Variants in SYNE1 observed in about 807,000 individuals in gnomAD.
SYNE1 encodes the protein nesprin-1.
A neutral mutation model predicts 1,111.0 loss-of-function variants in SYNE1; 616 were observed. The observed-to-expected ratio is 0.55, with a 90% CI of 0.52 to 0.59. The LOEUF (loss-of-function observed/expected upper bound fraction) is 0.59. Ranked by LOEUF, SYNE1 falls within the 20% of genes least tolerant of loss-of-function variation. The pLI, the probability that SYNE1 is intolerant of heterozygous loss-of-function variation, is 0.00. For missense variants in SYNE1, 10,006 were observed against 10,417.0 expected (o/e 0.96, Z 1.72); for synonymous variants, 3,855 against 3,825.8 (o/e 1.01, Z -0.28).
chr6:152,607,284 G>A (rs1448236862), intron 3 of SYNE1, among the ~76,000 whole-genome samples: 1 of 151,954 alleles, frequency 6.6e-6, no homozygotes, highest in Non-Finnish European at 1.5e-5. Flanking sequence ...ACACCTGGCC[G>A]AATGTCCTTA....
rs532550838 is a variant in SYNE1 at position 152,236,225 on chromosome 6, T to C, written c.20278A>G (p.Ile6760Val). The stretch of plus-strand genomic sequence containing the variant: ...TGGCTTTCTAGATCTGAGCAGCTGA[T>C]GGATATCAGAAGTCGTTTCCCATCA... ...LDDGKRLLIS[I>V]SCSDLESQLN... Residue 6760 changes from isoleucine (I) to valine (V), a missense_variant, in exon 110 of 146, where the codon ATC becomes GTC. Coordinates refer to ENST00000367255, the MANE Select transcript of SYNE1 (RefSeq NM_182961.4). 6.8e-6 allele frequency: 11 copies of C among 1,614,162 alleles called. No individual in the cohort carries two copies. The East Asian group carries it at 2.5e-4, about 36-fold the overall frequency.
chr6:152,323,328 CT>C, intron 82 of SYNE1, 149 bp downstream of exon 82: 1 of 1,235,668 alleles, frequency 8.1e-7, no homozygotes, highest in South Asian at 1.4e-5. Context: ...GTCCCAGCTA[CT>C]CAGAGAGGCT....
At chr6:152,427,587 C>G (rs1193912403) in intron 38 of SYNE1, 106 bp downstream of exon 38, 1 of 1,406,704 alleles carries the variant, frequency 7.1e-7, no homozygotes, top group Non-Finnish European at 9.9e-7. Context: ...ATCACAAAAC[C>G]AAAGCAAGAA....
In SYNE1 at chr6:152,155,039, G is replaced by A. The variant is rs746166486; in HGVS notation, c.23982C>T (p.Ile7994=). 6.2e-6 allele frequency: 10 copies of A among 1,613,834 alleles called. No individual in the cohort carries two copies. The highest frequency in any genetic ancestry group is 2.2e-5 in the East Asian group (1 of 44,888). Residue 7994 remains isoleucine, a synonymous_variant, in exon 133 of 146, where the codon ATC becomes ATT. Coordinates refer to ENST00000367255, the MANE Select transcript of SYNE1 (RefSeq NM_182961.4). ...CAMSMERRLK[I]EETWRLWQKF... Reference sequence around the variant, plus strand: ...TCTGCCACAATCGCCACGTCTCTTCGATTCTGGGGCGGAAAATGAAAGAAC... The same window carrying A: ...TCTGCCACAATCGCCACGTCTCTTCAATTCTGGGGCGGAAAATGAAAGAAC...
chr6:152,413,503 C>G lies in SYNE1; in HGVS notation c.6079G>C (p.Glu2027Gln), dbSNP rs781313884. 1 of 1,614,130 alleles carries G rather than the reference C, an allele frequency of 6.2e-7. No individual in the cohort carries two copies. Among genetic ancestry groups the G allele is most frequent in the Non-Finnish European group, 8.5e-7 (1 of 1,180,006 alleles). ...RLRVFNQLED[E>Q]LNSHEHELCW... ...AGTTCATGCTCGTGAGAATTCAATT[C>G]ATCTTCTAGCTGATTAAACACTCTT... Residue 2027 changes from glutamate to glutamine, a missense_variant, in exon 42 of 146, where the codon GAA (glutamate) becomes CAA (glutamine). By Grantham distance (29) the Glu-to-Gln change is conservative. This residue lies in a region of SYNE1 where 4,955 missense variants were observed against 5,017.2 expected (regional missense o/e 0.99). Transcript: ENST00000367255.
intron 74 of SYNE1, among the ~76,000 whole-genome samples, chr6:152,339,681 G>C (rs1563189955): frequency 6.6e-6 from 1 of 152,202 alleles, no homozygotes; most frequent in East Asian, 1.9e-4. Flanking sequence ...TTCCATTCCA[G>C]AGAAAGAATT....
chr6:152,155,351 C>T, intron 132 of SYNE1: 1 of 382,650 alleles, frequency 2.6e-6, no homozygotes, highest in Non-Finnish European at 4.9e-6. Flanking sequence ...AAAAGCAACA[C>T]CAGGTTTACA....
At chr6:152,448,980 A>G (rs1220572462) in intron 28 of SYNE1, among the ~76,000 whole-genome samples, 1 of 152,244 alleles carries the variant, frequency 6.6e-6, no homozygotes, top group African/African-American at 2.4e-5. Flanking sequence ...TTTTTACAAC[A>G]TTATGTGTCT....
intron 126 of SYNE1, among the ~76,000 whole-genome samples, chr6:152,202,150 C>T (rs2075601644): frequency 6.6e-6 from 1 of 151,894 alleles, no homozygotes. Flanking sequence ...AGTTTGTAAC[C>T]AGTCTGGCCA....
intron 55 of SYNE1, among the ~76,000 whole-genome samples, chr6:152,383,173 C>T (rs2097456176): frequency 6.6e-6 from 1 of 152,184 alleles, no homozygotes; most frequent in Non-Finnish European, 1.5e-5. Context: ...CTTTCTCCAT[C>T]CCAATTTCTT....
chr6:152,153,631 T>G (rs2060832374), intron 133 of SYNE1, among the ~76,000 whole-genome samples: 1 of 152,214 alleles, frequency 6.6e-6, no homozygotes, highest in African/African-American at 2.4e-5. Flanking sequence ...AAGATGCAGT[T>G]GAGCAGCTCT....
chr6:152,455,802 A>C (rs2098691938), intron 23 of SYNE1, 84 bp downstream of exon 23: 1 of 1,597,054 alleles, frequency 6.3e-7, no homozygotes, highest in African/African-American at 1.3e-5. Context: ...CGTTTTAGCA[A>C]GACCAAAAGC....
At chr6:152,200,933 A>G (rs894054251) in intron 127 of SYNE1, among the ~76,000 whole-genome samples, 5 of 152,272 alleles carry the variant, frequency 3.3e-5, no homozygotes, top group African/African-American at 1.2e-4. Context: ...TGATTTCTAG[A>G]CCTCTTTAAC....
chr6:152,513,976 C>T (rs2099098823), intron 6 of SYNE1, among the ~76,000 whole-genome samples: 1 of 152,232 alleles, frequency 6.6e-6, no homozygotes, highest in South Asian at 2.1e-4. Flanking sequence ...AGTCAGGAAA[C>T]AACTGATGCT....
chr6:152,277,127 T>C (rs548765221), intron 98 of SYNE1, among the ~76,000 whole-genome samples: 1 of 151,884 alleles, frequency 6.6e-6, no homozygotes, highest in African/African-American at 2.4e-5. Flanking sequence ...CCTGACTTCA[T>C]GATCTGCCAG....
At chr6:152,539,209 A>G (rs567262693) in intron 4 of SYNE1, among the ~76,000 whole-genome samples, 58 of 152,314 alleles carry the variant, frequency 3.8e-4, no homozygotes, top group African/African-American at 1.2e-3. Context: ...AACTTCCACT[A>G]TATAATCATA....
At chr6:152,414,270 G>A (rs1338615775) in intron 41 of SYNE1, among the ~76,000 whole-genome samples, 1 of 152,066 alleles carries the variant, frequency 6.6e-6, no homozygotes, top group Non-Finnish European at 1.5e-5. Flanking sequence ...TTAGCTGGCT[G>A]TGGTGGTACA....
At chr6:152,273,809 C>A (rs991480500) in intron 98 of SYNE1, among the ~76,000 whole-genome samples, 1 of 152,178 alleles carries the variant, frequency 6.6e-6, no homozygotes, top group Non-Finnish European at 1.5e-5. Flanking sequence ...AAGGGCCAGG[C>A]TGGGCCTGCT....
At chr6:152,168,118 G>A (rs1055787732) in intron 130 of SYNE1, 1 of 780,094 alleles carries the variant, frequency 1.3e-6, no homozygotes, top group Non-Finnish European at 2.4e-6. Flanking sequence ...CCTGCCTTGT[G>A]ACATCGCAGT....
Sources: gnomAD v4.1 joint callset for allele counts (sites outside exome capture counted in the v4.1 genomes callset) on GRCh38, gnomAD v4.1.1 for gene constraint, gnomAD v4.1.1 regional missense constraint, MANE v1.5 for transcripts, NCBI Gene and HGNC (gene_info 2026-07-23, HGNC 2026-07-21) for gene names.